HIVEP3: variants seen among roughly 807,000 people sequenced by gnomAD.
HIVEP3 encodes transcription factor HIVEP3.
In HIVEP3, 49 loss-of-function variants were observed where a neutral mutation model predicts 152.8. The ratio of observed to expected loss-of-function variants is 0.32; its 90% CI spans 0.26 to 0.41. HIVEP3 has a LOEUF of 0.41. HIVEP3 is among the 10% of genes least tolerant of loss of function. HIVEP3 has a pLI of 1.00. For synonymous variants in HIVEP3, 1,269 were observed against 1,289.0 expected (o/e 0.98, Z 0.33); for missense variants, 2,790 against 3,103.3 (o/e 0.90, Z 2.40).
intron 5 of HIVEP3, among the ~76,000 whole-genome samples, chr1:41,569,617 T>A (rs1027416603): frequency 1.3e-5 from 2 of 152,116 alleles, no homozygotes; most frequent in Non-Finnish European, 2.9e-5. Flanking sequence ...CAAGAAGAAA[T>A]GGATTTGTAA....
At chr1:41,969,627 C>G (rs1224013635) in intron 1 of HIVEP3, among the ~76,000 whole-genome samples, 2 of 152,108 alleles carry the variant, frequency 1.3e-5, no homozygotes, top group African/African-American at 4.8e-5. Flanking sequence ...CTAGGAAATA[C>G]CATTCAGGAC....
chr1:41,951,799 G>A (rs1406024808), intron 1 of HIVEP3, among the ~76,000 whole-genome samples: 1 of 152,120 alleles, frequency 6.6e-6, no homozygotes, highest in Admixed American at 6.5e-5. Context: ...CATGAGAAAA[G>A]CATGGGGGAA....
chr1:41,548,930 G>C (rs1347655345), intron 5 of HIVEP3, among the ~76,000 whole-genome samples: 1 of 152,016 alleles, frequency 6.6e-6, no homozygotes, highest in Non-Finnish European at 1.5e-5. Context: ...GTGCAGGTTT[G>C]TTACATAAGT....
At chr1:41,865,356 T>C (rs1444792883) in intron 1 of HIVEP3, among the ~76,000 whole-genome samples, 3 of 152,202 alleles carry the variant, frequency 2.0e-5, no homozygotes, top group African/African-American at 7.2e-5. Flanking sequence ...TTGCCACCTC[T>C]GGCGGTGATA....
At chr1:41,635,351 G>A (rs1645252479) in intron 2 of HIVEP3, among the ~76,000 whole-genome samples, 1 of 151,816 alleles carries the variant, frequency 6.6e-6, no homozygotes, top group Non-Finnish European at 1.5e-5. Flanking sequence ...ATTAAGAAAG[G>A]TTGAAACTAA....
At chr1:41,979,767 T>C (rs1645284358) in intron 1 of HIVEP3, among the ~76,000 whole-genome samples, 1 of 152,228 alleles carries the variant, frequency 6.6e-6, no homozygotes, top group South Asian at 2.1e-4. Flanking sequence ...CCTTGCTGCA[T>C]GGTGCATTAC....
At chr1:41,979,442 T>C (rs604145) in intron 1 of HIVEP3, among the ~76,000 whole-genome samples, 118,083 of 152,138 alleles carry the variant, frequency 0.78, 46,227 homozygotes, top group East Asian at 0.96. Context: ...TAGTCACTTG[T>C]CCACAAGCTC....
At chr1:41,952,950 C>T (rs1476197297) in intron 1 of HIVEP3, among the ~76,000 whole-genome samples, 4 of 152,088 alleles carry the variant, frequency 2.6e-5, no homozygotes, top group Non-Finnish European at 4.4e-5. Context: ...CATGAGCAAT[C>T]GACTCAAAGC....
chr1:41,962,863 T>G (rs994547148), intron 1 of HIVEP3, among the ~76,000 whole-genome samples: 1 of 152,270 alleles, frequency 6.6e-6, no homozygotes, highest in Non-Finnish European at 1.5e-5. Context: ...ACAGTACAAG[T>G]GACATTTTGA....
intron 1 of HIVEP3, among the ~76,000 whole-genome samples, chr1:41,889,387 C>T (rs775105224): frequency 2.6e-5 from 4 of 152,138 alleles, no homozygotes; most frequent in East Asian, 1.9e-4. Context: ...TAACATCATC[C>T]ACCTTCTCAA....
At chr1:41,680,885 T>C (rs1570299767) in intron 2 of HIVEP3, among the ~76,000 whole-genome samples, 1 of 152,364 alleles carries the variant, frequency 6.6e-6, no homozygotes, top group East Asian at 1.9e-4. Context: ...CCGTGGAAGC[T>C]TTTATGAAAA....
chr1:41,600,650 A>G (rs1164824787), intron 3 of HIVEP3, among the ~76,000 whole-genome samples: 1 of 152,224 alleles, frequency 6.6e-6, no homozygotes, highest in Non-Finnish European at 1.5e-5. Context: ...ACTGCTTAAC[A>G]CTACTGAATT....
intron 1 of HIVEP3, among the ~76,000 whole-genome samples, chr1:41,786,431 G>T (rs1214208063): frequency 6.6e-6 from 1 of 152,142 alleles, no homozygotes; most frequent in Non-Finnish European, 1.5e-5. Context: ...CATCACTTCT[G>T]ATTTTACAGT....
At chr1:41,914,615 G>T (rs965018533) in intron 1 of HIVEP3, among the ~76,000 whole-genome samples, 9 of 152,090 alleles carry the variant, frequency 5.9e-5, no homozygotes, top group African/African-American at 2.2e-4. Context: ...TTGTCAGAGG[G>T]TCAGGCCAAG....
At chr1:41,835,069 T>C (rs1168833398) in intron 1 of HIVEP3, among the ~76,000 whole-genome samples, 1 of 152,180 alleles carries the variant, frequency 6.6e-6, no homozygotes, top group Non-Finnish European at 1.5e-5. Flanking sequence ...GGCCATCTGG[T>C]TTACATGATC....
At chr1:41,757,873 C>T (rs1647418829) in intron 1 of HIVEP3, among the ~76,000 whole-genome samples, 1 of 151,924 alleles carries the variant, frequency 6.6e-6, no homozygotes, top group Admixed American at 6.6e-5. Flanking sequence ...GCCACCACAC[C>T]CACTAATTTT....
intron 1 of HIVEP3, among the ~76,000 whole-genome samples, chr1:41,828,700 T>G (rs1002948148): frequency 2.0e-5 from 3 of 152,216 alleles, no homozygotes; most frequent in Admixed American, 6.5e-5. Flanking sequence ...TGGAGGCTGA[T>G]AGTGAACAGG....
At chr1:41,789,021 A>C (rs867096770) in intron 1 of HIVEP3, among the ~76,000 whole-genome samples, 1 of 152,180 alleles carries the variant, frequency 6.6e-6, no homozygotes, top group Non-Finnish European at 1.5e-5. Flanking sequence ...CTAGGTACCC[A>C]GTGAGTCAGG....
chr1:41,720,216 G>A (rs997025516), intron 1 of HIVEP3, among the ~76,000 whole-genome samples: 1 of 152,210 alleles, frequency 6.6e-6, no homozygotes, highest in Admixed American at 6.5e-5. Flanking sequence ...TAAACCTGAT[G>A]AGCTCAGGAC....
Sources: allele counts gnomAD v4.1 joint callset (sites outside exome capture counted in the v4.1 genomes callset), GRCh38; gene constraint gnomAD v4.1.1; transcripts MANE v1.5; gene names NCBI Gene and HGNC (gene_info 2026-07-23, HGNC 2026-07-21).